Variants in ADAM2 observed in about 807,000 individuals in gnomAD.
The protein encoded by ADAM2 is ADAM metallopeptidase domain 2.
A neutral mutation model predicts 99.3 loss-of-function variants in ADAM2; 101 were observed. The ratio of observed to expected loss-of-function variants is 1.02; its 90% CI spans 0.87 to 1.20. The LOEUF is 1.20. ADAM2 is among the 50% of genes most tolerant of loss of function. The probability of loss-of-function intolerance (pLI) is 0.00; values close to 1 mark genes in which losing one functional copy is unlikely to be tolerated. For missense variants in ADAM2, 948 were observed against 878.7 expected (o/e 1.08, Z -1.00); for synonymous variants, 323 against 287.6 (o/e 1.12, Z -1.25).
chr8:39,798,076 T>C (rs1586118809), intron 7 of ADAM2, among the ~76,000 whole-genome samples: 1 of 152,246 alleles, frequency 6.6e-6, no homozygotes, highest in South Asian at 2.1e-4. Context: ...CAATACTATG[T>C]TGAATAGGAG....
At position 39,794,458 on chromosome 8, in the gene ADAM2, T is replaced by C. The variant is rs533262371; in HGVS notation, c.571-5718A>G. On this transcript the variant is annotated intron_variant, in intron 7 of 20. Coordinates refer to ENST00000265708, the MANE Select transcript of ADAM2 (RefSeq NM_001464.5). ...ATAAGGGAGGAGACCACCCCTCATA[T>C]AGTCCTTTACCCAATTTCTGCCTCC... Among the ~76,000 whole-genome samples, 24 of 152,184 alleles carry C rather than the reference T, an allele frequency of 1.6e-4. 1 individual carries two copies. The highest frequency in any genetic ancestry group is 5.8e-4 in the African/African-American group (24 of 41,520).
chr8:39,745,033 CTGAGAACATCT>C, intron 19 of ADAM2, 140 bp from the exon 20 acceptor site: 1 of 605,526 alleles, frequency 1.7e-6, no homozygotes, highest in Non-Finnish European at 2.9e-6. Context: ...TACCCTATCA[CTGAGAACATCT>C]CTGCCCTGGT....
chr8:39,786,085 T>C lies in ADAM2; in HGVS notation c.891+889A>G, dbSNP rs185979543. Among the ~76,000 whole-genome samples, 3 of 152,296 alleles carry C rather than the reference T, an allele frequency of 2.0e-5. No homozygotes were observed. In the East Asian group the frequency reaches 5.8e-4, roughly 29 times the overall value. Reference sequence around the variant, plus strand: ...AAAACCAAATACTGCGTGTTCTCACTTATAAGTGGGAGCTAAACATTGGGT... The same window carrying C: ...AAAACCAAATACTGCGTGTTCTCACCTATAAGTGGGAGCTAAACATTGGGT... On this transcript the variant is annotated intron_variant, in intron 10 of 20. Coordinates refer to ENST00000265708, the MANE Select transcript of ADAM2 (RefSeq NM_001464.5).
At chr8:39,769,790 C>T (rs1286203463) in intron 11 of ADAM2, among the ~76,000 whole-genome samples, 1 of 152,082 alleles carries the variant, frequency 6.6e-6, no homozygotes, top group African/African-American at 2.4e-5. Flanking sequence ...TATTGGCTCT[C>T]CTATGACACT....
chr8:39,764,947 C>A (rs930262136), intron 14 of ADAM2, among the ~76,000 whole-genome samples: 2 of 151,894 alleles, frequency 1.3e-5, no homozygotes, highest in Admixed American at 6.6e-5. Flanking sequence ...CACTGGAACA[C>A]GGGAGGTGAA....
intron 4 of ADAM2, among the ~76,000 whole-genome samples, chr8:39,821,967 A>T (rs995183591): frequency 3.9e-5 from 6 of 152,186 alleles, no homozygotes; most frequent in Non-Finnish European, 5.9e-5. Flanking sequence ...ACAATGTTGC[A>T]TGGTAGATAA....
chr8:39,762,833 A>G (rs1291863038), intron 14 of ADAM2, among the ~76,000 whole-genome samples: 1 of 152,238 alleles, frequency 6.6e-6, no homozygotes, highest in Non-Finnish European at 1.5e-5. Context: ...TATATACACA[A>G]AATTTTATAT....
At chr8:39,835,059 C>T (rs1414739404) in intron 2 of ADAM2, among the ~76,000 whole-genome samples, 1 of 152,166 alleles carries the variant, frequency 6.6e-6, no homozygotes, top group Non-Finnish European at 1.5e-5. Flanking sequence ...TAGACTCTGC[C>T]TCCAAATATG....
intron 12 of ADAM2, among the ~76,000 whole-genome samples, chr8:39,769,179 A>T (rs1802681410): frequency 6.6e-6 from 1 of 152,200 alleles, no homozygotes; most frequent in South Asian, 2.1e-4. Context: ...TTACCTGTAT[A>T]TTCATACAAA....
At chr8:39,814,830 TATATATATG>T (rs1804872049) in intron 6 of ADAM2, among the ~76,000 whole-genome samples, 1 of 150,900 alleles carries the variant, frequency 6.6e-6, no homozygotes, top group South Asian at 2.1e-4. Context: ...TAGAACTATA[TATATATATG>T]ATATATATGT....
intron 10 of ADAM2, among the ~76,000 whole-genome samples, chr8:39,780,009 C>T (rs190548800): frequency 1.6e-4 from 25 of 152,002 alleles, no homozygotes; most frequent in African/African-American, 4.8e-4. Flanking sequence ...TCTCATGCTG[C>T]GGGTAAAGAC....
intron 10 of ADAM2, among the ~76,000 whole-genome samples, chr8:39,785,660 G>C (rs1210645498): frequency 6.6e-6 from 1 of 152,128 alleles, no homozygotes; most frequent in Non-Finnish European, 1.5e-5. Context: ...GCTGGGCTTG[G>C]TGGTGAGCAC....
intron 16 of ADAM2, among the ~76,000 whole-genome samples, chr8:39,750,897 C>G (rs1034158509): frequency 1.3e-5 from 2 of 152,028 alleles, no homozygotes; most frequent in Non-Finnish European, 1.5e-5. Context: ...ATACTCAAAG[C>G]GACTAATGGT....
At chr8:39,800,236 T>A (rs1443645824) in intron 7 of ADAM2, among the ~76,000 whole-genome samples, 1 of 152,158 alleles carries the variant, frequency 6.6e-6, no homozygotes, top group East Asian at 1.9e-4. Flanking sequence ...AAGAAATCCC[T>A]CAGCATTTGC....
chr8:39,795,163 A>C (rs1453598833), intron 7 of ADAM2, among the ~76,000 whole-genome samples: 1 of 152,156 alleles, frequency 6.6e-6, no homozygotes, highest in Non-Finnish European at 1.5e-5. Context: ...AAATGGTGAA[A>C]CATCAATTTC....
Position 39,743,828 on chromosome 8 carries a change from A to C in ADAM2, c.*267T>G, listed in dbSNP as rs947974353. On this transcript the variant is annotated 3_prime_UTR_variant, in exon 21 of 21. Transcript: ENST00000265708. ...GCCCCTACTGACAGAATTAGTGTCT[A>C]CTAACCAACAGAAATAGCGTAAGAT... 2.6e-5 allele frequency: 4 copies of C among 152,192 alleles called. No individual in the cohort carries two copies. Among genetic ancestry groups the C allele is most frequent in the Non-Finnish European group, 5.9e-5 (4 of 68,004 alleles). The allele number at this position is 152,192 out of a possible 1,614,324, so 9.4% of individuals were successfully genotyped here.
Position 39,834,045 on chromosome 8 carries a change from G to T in ADAM2, c.133-46C>A, listed in dbSNP as rs199880832. ...AAATACAAAGAAAATGAAAAAAAATGTTAGAAGGGATAACCATCATTTTAC... is the reference window on the plus strand; with the variant it reads ...AAATACAAAGAAAATGAAAAAAAATTTTAGAAGGGATAACCATCATTTTAC... On this transcript the variant is annotated intron_variant, in intron 2 of 20. Coordinates refer to ENST00000265708, the MANE Select transcript of ADAM2 (RefSeq NM_001464.5). 3.3e-4 allele frequency: 335 copies of T among 1,029,046 alleles called. 1 individual carries two copies. The African/African-American group carries it at 4.5e-3, about 14-fold the overall frequency. 63.7% of individuals were successfully genotyped at this position (1,029,046 alleles called of 1,614,324 possible). A position where few individuals can be genotyped will look rare whatever the true frequency, so the allele number is the denominator to read the frequency against.
chr8:39,766,937 G>C lies in ADAM2; in HGVS notation c.1418C>G (p.Thr473Ser), dbSNP rs1563343606. 6.2e-7 allele frequency: 1 copy of C among 1,613,990 alleles called. No individual in the cohort carries two copies. Among genetic ancestry groups the C allele is most frequent in the Non-Finnish European group, 8.5e-7 (1 of 1,180,022 alleles). The change falls in exon 14 of 21, where the codon ACT (threonine) becomes AGT (serine). Residue 473 changes from threonine (T) to serine (S), a missense_variant. Transcript: ENST00000265708. ...ASCPENHYVQTGHPCGLNQWI... is the reference protein window; with the variant it reads ...ASCPENHYVQSGHPCGLNQWI... ...TTGATTCAGTCCACACGGATGCCCA[G>C]TCTGAACATAGTGGTTTTCTGGGCA...
chr8:39,806,345 C>T (rs570868316), intron 7 of ADAM2, among the ~76,000 whole-genome samples: 1 of 151,468 alleles, frequency 6.6e-6, no homozygotes, highest in African/African-American at 2.4e-5. Flanking sequence ...AAGCGCTAAA[C>T]AAACAAACAA....
Sources: allele counts gnomAD v4.1 joint callset (sites outside exome capture counted in the v4.1 genomes callset), GRCh38; gene constraint gnomAD v4.1.1; transcripts MANE v1.5; gene names NCBI Gene and HGNC (gene_info 2026-07-23, HGNC 2026-07-21).